USPL1: variants seen among roughly 807,000 people sequenced by gnomAD.
USPL1 encodes the protein ubiquitin specific peptidase like 1.
A neutral mutation model predicts 51.5 loss-of-function variants in USPL1; 27 were observed. The ratio of observed to expected loss-of-function variants is 0.52; its 90% CI spans 0.39 to 0.72. USPL1 has a LOEUF of 0.72. Among genes scored for constraint, USPL1 ranks in the 30% least tolerant of loss-of-function variants. USPL1 has a pLI of 0.00. For synonymous variants in USPL1, 451 were observed against 459.6 expected, an observed-to-expected ratio of 0.98 and a Z score of 0.24; for missense variants, 1,226 against 1,268.0, an observed-to-expected ratio of 0.97 and a Z score of 0.50.
At chr13:30,635,983 T>G (rs2137652589) in intron 4 of USPL1, among the ~76,000 whole-genome samples, 1 of 152,308 alleles carries the variant, frequency 6.6e-6, no homozygotes, top group East Asian at 1.9e-4. Flanking sequence ...CTAACCACCT[T>G]TGGTTAGAAC....
intron 3 of USPL1, among the ~76,000 whole-genome samples, chr13:30,625,437 G>GTTTT (rs200928956): frequency 1.5e-5 from 2 of 135,894 alleles, no homozygotes; most frequent in African/African-American, 5.7e-5. Flanking sequence ...TTGGTTTTTT[G>GTTTT]TTTTTTGTTT....
Position 30,657,927 on chromosome 13 carries a change from C to A in USPL1, c.1850C>A (p.Thr617Lys), listed in dbSNP as rs957228470. Residue 617 changes from threonine (T) to lysine (K), a missense_variant, in exon 9 of 9, where the codon ACA (threonine) becomes AAA (lysine). Coordinates refer to ENST00000255304, the MANE Select transcript of USPL1 (RefSeq NM_005800.5). ...LLENKPVAEN[T>K]GILKTNTLLS... ...GAAAATAAACCTGTAGCAGAAAATACAGGAATTCTCAAAACCAATACTTTG... is the reference window on the plus strand; with the variant it reads ...GAAAATAAACCTGTAGCAGAAAATAAAGGAATTCTCAAAACCAATACTTTG... The A allele has an allele frequency of 1.9e-6, 3 of 1,613,658 alleles. No homozygotes were observed. Among genetic ancestry groups the A allele is most frequent in the African/African-American group, 1.3e-5 (1 of 74,922 alleles).
Position 30,621,893 on chromosome 13 carries a change from G to C in USPL1, c.228+1G>C. Reference sequence around the variant, plus strand: ...TATCTTTTTGTGTGAGGATCTGCAGGTAAAGTATTAATCTTATATAGTATA... The same window carrying C: ...TATCTTTTTGTGTGAGGATCTGCAGCTAAAGTATTAATCTTATATAGTATA... On this transcript the variant is annotated splice_donor_variant, in intron 3 of 8. Transcript: ENST00000255304. LOFTEE classifies it high-confidence loss of function. 1 of 1,536,404 alleles carries C rather than the reference G, an allele frequency of 6.5e-7. No homozygotes were observed. The highest frequency in any genetic ancestry group is 8.7e-7 in the Non-Finnish European group (1 of 1,145,394).
chr13:30,620,995 C>T (rs909953461), intron 1 of USPL1, 78 bp from the exon 2 acceptor site: 14 of 635,216 alleles, frequency 2.2e-5, no homozygotes, highest in Non-Finnish European at 3.5e-5. Flanking sequence ...TTACTATATA[C>T]GTCTTATAAA....
Position 30,642,743 on chromosome 13 carries a change from C to A in USPL1, c.1098C>A (p.His366Gln), listed in dbSNP as rs755152175. ...SWDFECSQCG[H>Q]QYQNRHMKSL... ...ACTTTGAATGTTCGCAGTGTGGACA[C>A]CAATATCAAAACAGGTTAGTTTCTT... Residue 366 changes from histidine (H) to glutamine (Q), a missense_variant, in exon 6 of 9, where the codon CAC becomes CAA. Coordinates refer to ENST00000255304, the MANE Select transcript of USPL1 (RefSeq NM_005800.5). 165 of 1,612,312 alleles carry A rather than the reference C, an allele frequency of 1.0e-4. No individual in the cohort carries two copies. Among genetic ancestry groups the A allele is most frequent in the Middle Eastern group, 1.7e-4 (1 of 6,042 alleles).
intron 3 of USPL1, among the ~76,000 whole-genome samples, chr13:30,627,523 CT>C (rs5802579): frequency 0.51 from 73,158 of 144,164 alleles, 19,524 homozygotes; most frequent in African/African-American, 0.71. Flanking sequence ...CTGTTTTGTT[CT>C]TTTTTTTTTT....
intron 4 of USPL1, among the ~76,000 whole-genome samples, chr13:30,633,446 T>C (rs751409438): frequency 6.6e-6 from 1 of 152,102 alleles, no homozygotes; most frequent in Non-Finnish European, 1.5e-5. Flanking sequence ...TCCCTATACA[T>C]ACATAATTAT....
chr13:30,637,856 A>T lies in USPL1; in HGVS notation c.981A>T (p.Leu327Phe). Residue 327 changes from leucine (L) to phenylalanine (F), a missense_variant and splice_region_variant, in exon 5 of 9, where the codon TTA (leucine) becomes TTT (phenylalanine). Leu to Phe is a conservative substitution (Grantham distance 22). Coordinates refer to ENST00000255304, the MANE Select transcript of USPL1 (RefSeq NM_005800.5). ...TTCAGCCCCAGCTTAGATGCACATT[A>T]GGTAAGTAATTGGTAAAACTTACTT... The part of the protein sequence containing the change: ...ISLQPQLRCT[L>F]GDMESPVFAF... The T allele has an allele frequency of 6.2e-7, 1 of 1,609,406 alleles. No individual in the cohort carries two copies. Among genetic ancestry groups the T allele is most frequent in the Non-Finnish European group, 8.5e-7 (1 of 1,176,300 alleles).
chr13:30,629,594 A>C lies in USPL1; in HGVS notation c.229-1241A>C, dbSNP rs1296863306. On this transcript the variant is annotated intron_variant, in intron 3 of 8. Coordinates refer to ENST00000255304, the MANE Select transcript of USPL1 (RefSeq NM_005800.5). ...CAGCTGGGACAGCTGAAATGTCCAC[A>C]TGGCTGGCAGTTGGTACTAGCTGCT... is the stretch of plus-strand genomic sequence containing the variant. 8.5e-5 allele frequency among the ~76,000 whole-genome samples: 13 copies of C among 152,284 alleles called. No homozygotes were observed. The South Asian group carries it at 2.7e-3, about 32-fold the overall frequency.
intron 7 of USPL1, among the ~76,000 whole-genome samples, chr13:30,649,332 G>A (rs1224381640): frequency 6.6e-6 from 1 of 151,970 alleles, no homozygotes; most frequent in Non-Finnish European, 1.5e-5. Flanking sequence ...TGTGTCTAAT[G>A]GAATTTAGAA....
chr13:30,658,523 C>T lies in USPL1; in HGVS notation c.2446C>T (p.Arg816Cys), dbSNP rs752281173. 1.5e-5 allele frequency: 25 copies of T among 1,613,932 alleles called. No homozygotes were observed. Among genetic ancestry groups the T allele is most frequent in the Non-Finnish European group, 2.0e-5 (24 of 1,180,022 alleles). ...GGCCAGCCACGTATCCAAGAAAGCTCGTAAGAGTGCAAGTAAGCCTCCTCC... is the reference window on the plus strand; with the variant it reads ...GGCCAGCCACGTATCCAAGAAAGCTTGTAAGAGTGCAAGTAAGCCTCCTCC... ...QKASHVSKKA[R>C]KSASKPPPIS... The change falls in exon 9 of 9, where the codon CGT becomes TGT. Residue 816 changes from arginine to cysteine, a missense_variant. Transcript: ENST00000255304.
At chr13:30,631,746 C>T (rs188046050) in intron 4 of USPL1, among the ~76,000 whole-genome samples, 143 of 152,308 alleles carry the variant, frequency 9.4e-4, no homozygotes, top group Non-Finnish European at 1.3e-3. Context: ...CCGCCTCAGC[C>T]TCCCAAAGTG....
rs760654832 is a variant in USPL1 at position 30,658,506 on chromosome 13, A to G, written c.2429A>G (p.His810Arg). Residue 810 changes from histidine (H) to arginine (R), a missense_variant, in exon 9 of 9, where the codon CAC (histidine) becomes CGC (arginine). Physicochemically the swap from His to Arg is conservative, Grantham distance 29 (BLOSUM62 0). Coordinates refer to ENST00000255304, the MANE Select transcript of USPL1 (RefSeq NM_005800.5). ...AAAGGTATAAACCAGAAGGCCAGCC[A>G]CGTATCCAAGAAAGCTCGTAAGAGT... ...KTKGINQKAS[H>R]VSKKARKSAS... The G allele has an allele frequency of 1.2e-6, 2 of 1,614,042 alleles. No homozygotes were observed. The highest frequency in any genetic ancestry group is 1.1e-5 in the South Asian group (1 of 91,084).
At position 30,659,477 on chromosome 13, in the gene USPL1, A is replaced by G; in HGVS notation, c.*121A>G. 1 of 913,290 alleles carries G rather than the reference A, an allele frequency of 1.1e-6. No homozygotes were observed. The highest frequency in any genetic ancestry group is 1.6e-6 in the Non-Finnish European group (1 of 637,930). The allele number at this position is 913,290 out of a possible 1,614,324, so 56.6% of individuals were successfully genotyped here. On this transcript the variant is annotated 3_prime_UTR_variant, in exon 9 of 9. Transcript: ENST00000255304. Reference sequence around the variant, plus strand: ...TACTTGTGTAATAACCATGAACAAAATGCAAGGTTTAACCTTTGGTTCTGC... The same window carrying G: ...TACTTGTGTAATAACCATGAACAAAGTGCAAGGTTTAACCTTTGGTTCTGC...
intron 6 of USPL1, among the ~76,000 whole-genome samples, chr13:30,644,278 C>T (rs1021069146): frequency 1.3e-5 from 2 of 151,570 alleles, no homozygotes; most frequent in Non-Finnish European, 2.9e-5. Flanking sequence ...AATGACACTC[C>T]GTCTCAAAAA....
chr13:30,657,227 G>A (rs1422389054), intron 8 of USPL1, among the ~76,000 whole-genome samples: 1 of 152,172 alleles, frequency 6.6e-6, no homozygotes, highest in Non-Finnish European at 1.5e-5. Flanking sequence ...ATATATGTAT[G>A]AAACATTCTG....
At chr13:30,655,182 C>T (rs932648489) in intron 8 of USPL1, among the ~76,000 whole-genome samples, 4 of 152,188 alleles carry the variant, frequency 2.6e-5, no homozygotes, top group African/African-American at 9.7e-5. Context: ...GGTGACCCAC[C>T]CGCCTCGGCC....
Position 30,660,578 on chromosome 13 carries a change from G to A in USPL1, c.*1222G>A, listed in dbSNP as rs1342607686. ...ATGAATGTGTGACAGTTTTCCTTAT[G>A]GTTGTGTGGCCTTCTGTAAGAGCCT... is the stretch of plus-strand genomic sequence containing the variant. On this transcript the variant is annotated 3_prime_UTR_variant, in exon 9 of 9. Coordinates refer to ENST00000255304, the MANE Select transcript of USPL1 (RefSeq NM_005800.5). 1 of 152,232 alleles carries A rather than the reference G, an allele frequency of 6.6e-6. No homozygotes were observed. Among genetic ancestry groups the A allele is most frequent in the Admixed American group, 6.5e-5 (1 of 15,288 alleles). The allele number at this position is 152,232 out of a possible 1,614,324, so 9.4% of individuals were successfully genotyped here.
chr13:30,636,001 A>T (rs188709785), intron 4 of USPL1, among the ~76,000 whole-genome samples: 15 of 152,242 alleles, frequency 9.9e-5, no homozygotes, highest in African/African-American at 3.6e-4. Flanking sequence ...AACATTCAAG[A>T]CGTTATGGTT....
Sources: gnomAD v4.1 joint callset for allele counts (sites outside exome capture counted in the v4.1 genomes callset) on GRCh38, gnomAD v4.1.1 for gene constraint, MANE v1.5 for transcripts, NCBI Gene and HGNC (gene_info 2026-07-23, HGNC 2026-07-21) for gene names.